The following SETBP1 variants were observed in gnomAD, a reference collection of about 807,000 sequenced individuals.
The protein encoded by SETBP1 is SET binding protein 1, also known as SET-binding protein.
In SETBP1, 9 loss-of-function variants were observed where a neutral mutation model predicts 101.0. That is an observed-to-expected ratio of 0.09 (90% confidence interval 0.05 to 0.16). SETBP1 has a LOEUF of 0.16. Ranked by LOEUF, SETBP1 falls within the 10% of genes least tolerant of loss-of-function variation. SETBP1 has a pLI of 1.00. For synonymous variants in SETBP1, 818 were observed against 788.5 expected (o/e 1.04, Z -0.63); for missense variants, 1,858 against 2,033.8 (o/e 0.91, Z 1.66).
chr18:44,945,977 A>G (rs762153764), intron 3 of SETBP1, among the ~76,000 whole-genome samples: 25 of 152,184 alleles, frequency 1.6e-4, no homozygotes, highest in Non-Finnish European at 3.2e-4. Flanking sequence ...TTCTCAGCAA[A>G]GGACATATTG....
chr18:44,785,833 A>T (rs2071228791), intron 2 of SETBP1, among the ~76,000 whole-genome samples: 1 of 152,310 alleles, frequency 6.6e-6, no homozygotes, highest in Admixed American at 6.5e-5. Flanking sequence ...GATTTTGCCT[A>T]TGGGACCTGC....
At chr18:44,682,164 G>A (rs1284963872) in intron 1 of SETBP1, among the ~76,000 whole-genome samples, 2 of 152,056 alleles carry the variant, frequency 1.3e-5, no homozygotes, top group Non-Finnish European at 2.9e-5. Context: ...TGCCGATTTG[G>A]CACCATCTCT....
intron 4 of SETBP1, among the ~76,000 whole-genome samples, chr18:45,037,447 C>T (rs1445409747): frequency 6.6e-6 from 1 of 152,152 alleles, no homozygotes; most frequent in Non-Finnish European, 1.5e-5. Context: ...ACTTTTATAG[C>T]ACGGAGTATG....
At chr18:45,058,827 T>G (rs2073848894) in intron 5 of SETBP1, among the ~76,000 whole-genome samples, 1 of 152,228 alleles carries the variant, frequency 6.6e-6, no homozygotes, top group African/African-American at 2.4e-5. Flanking sequence ...ATATATTTAT[T>G]TATGCAGTTG....
chr18:45,025,682 AC>A (rs563962484), intron 4 of SETBP1, among the ~76,000 whole-genome samples: 4 of 152,216 alleles, frequency 2.6e-5, no homozygotes, highest in Non-Finnish European at 5.9e-5. Flanking sequence ...AAACAATGCA[AC>A]TTTCTCATCT....
At chr18:44,852,050 C>T (rs1471385912) in intron 2 of SETBP1, among the ~76,000 whole-genome samples, 1 of 152,250 alleles carries the variant, frequency 6.6e-6, no homozygotes, top group Non-Finnish European at 1.5e-5. Flanking sequence ...ATAACCTCAG[C>T]ACCGAGGCAT....
chr18:44,789,098 C>T (rs928574688), intron 2 of SETBP1, among the ~76,000 whole-genome samples: 4 of 152,030 alleles, frequency 2.6e-5, no homozygotes, highest in African/African-American at 4.8e-5. Flanking sequence ...CCACCGCACC[C>T]GGCTTCCTCC....
At chr18:44,794,653 C>T (rs952569521) in intron 2 of SETBP1, among the ~76,000 whole-genome samples, 1 of 152,140 alleles carries the variant, frequency 6.6e-6, no homozygotes, top group Non-Finnish European at 1.5e-5. Context: ...CTCTTGGTGT[C>T]GTTCTTACCC....
chr18:44,953,661 T>C (rs769382150), intron 4 of SETBP1, among the ~76,000 whole-genome samples: 1 of 152,216 alleles, frequency 6.6e-6, no homozygotes, highest in Non-Finnish European at 1.5e-5. Flanking sequence ...TCTGATCTAA[T>C]GGTACAGTTT....
At chr18:44,882,486 A>T (rs1476325063) in intron 3 of SETBP1, among the ~76,000 whole-genome samples, 1 of 151,520 alleles carries the variant, frequency 6.6e-6, no homozygotes, top group Non-Finnish European at 1.5e-5. Flanking sequence ...CTGCTGTGTG[A>T]CAAGCAACCT....
chr18:44,755,619 T>C (rs752576387), intron 2 of SETBP1, among the ~76,000 whole-genome samples: 3 of 152,026 alleles, frequency 2.0e-5, no homozygotes, highest in Non-Finnish European at 4.4e-5. Context: ...TGGCTTCTCT[T>C]GTTCTGAGGC....
rs112715507 is a variant in SETBP1 at position 44,945,006 on chromosome 18, A to AT, written c.541-4867dup. On this transcript the variant is annotated intron_variant, in intron 3 of 5. Coordinates refer to ENST00000649279, the MANE Select transcript of SETBP1 (RefSeq NM_015559.3). ...ACTTACACACACTTTATTTTTTTATATTTTTTTTATACTTTTAAGTTCTAG... is the reference window on the plus strand; with the variant it reads ...ACTTACACACACTTTATTTTTTTATATTTTTTTTTATACTTTTAAGTTCTAG... Among the ~76,000 whole-genome samples the AT allele has an allele frequency of 7.2e-5, 11 of 151,930 alleles. 1 individual carries two copies. The highest frequency in any genetic ancestry group is 2.2e-4 in the African/African-American group (9 of 41,444).
At chr18:44,841,960 C>A (rs572413289) in intron 2 of SETBP1, among the ~76,000 whole-genome samples, 8 of 152,204 alleles carry the variant, frequency 5.3e-5, no homozygotes, top group African/African-American at 1.9e-4. Context: ...ACAGCTTGGG[C>A]GTGATTTAGT....
intron 2 of SETBP1, among the ~76,000 whole-genome samples, chr18:44,746,892 T>A (rs1035997187): frequency 6.6e-5 from 10 of 152,190 alleles, no homozygotes; most frequent in Admixed American, 2.6e-4. Context: ...TTTCTGAGTG[T>A]GTAAGCACTG....
At chr18:45,008,641 T>C (rs2072777026) in intron 4 of SETBP1, among the ~76,000 whole-genome samples, 1 of 152,194 alleles carries the variant, frequency 6.6e-6, no homozygotes, top group South Asian at 2.1e-4. Context: ...TAAGCCTCAA[T>C]GTCCTCTTCA....
chr18:45,006,231 C>T (rs1380289214), intron 4 of SETBP1, among the ~76,000 whole-genome samples: 3 of 152,172 alleles, frequency 2.0e-5, no homozygotes, highest in East Asian at 3.9e-4. Flanking sequence ...GGATTACAGG[C>T]GTGAGCCACC....
intron 2 of SETBP1, among the ~76,000 whole-genome samples, chr18:44,712,437 C>A (rs1599021374): frequency 6.6e-6 from 1 of 152,200 alleles, no homozygotes; most frequent in East Asian, 1.9e-4. Flanking sequence ...GAGAACTCAG[C>A]TCAGGAATTT....
chr18:44,708,785 A>C (rs2069276932), intron 2 of SETBP1, among the ~76,000 whole-genome samples: 1 of 152,186 alleles, frequency 6.6e-6, no homozygotes, highest in East Asian at 1.9e-4. Flanking sequence ...GAAGAAAAAC[A>C]AAGCAGCATT....
chr18:44,920,423 T>A (rs2070552333), intron 3 of SETBP1, among the ~76,000 whole-genome samples: 1 of 152,222 alleles, frequency 6.6e-6, no homozygotes, highest in African/African-American at 2.4e-5. Flanking sequence ...CAAAAAATAT[T>A]TGTTGAATGG....
Sources: gnomAD v4.1 joint callset for allele counts (sites outside exome capture counted in the v4.1 genomes callset) on GRCh38, gnomAD v4.1.1 for gene constraint, MANE v1.5 for transcripts, NCBI Gene and HGNC (gene_info 2026-07-23, HGNC 2026-07-21) for gene names.